The following SEMA3E variants were observed in gnomAD, a reference collection of about 807,000 sequenced individuals.
SEMA3E encodes the protein semaphorin 3E, also known as semaphorin-3E.
A neutral mutation model predicts 93.6 loss-of-function variants in SEMA3E; 49 were observed. That is an observed-to-expected ratio of 0.52 (90% CI 0.42 to 0.66). The LOEUF (loss-of-function observed/expected upper bound fraction) is 0.66, where lower values mean the gene tolerates loss of function less well. Among genes scored for constraint, SEMA3E ranks in the 30% least tolerant of loss-of-function variants. The probability of loss-of-function intolerance (pLI) is 0.00; values close to 1 mark genes in which losing one functional copy is unlikely to be tolerated. For missense variants in SEMA3E, 906 were observed against 964.8 expected (o/e 0.94, Z 0.81); for synonymous variants, 363 against 330.7 (o/e 1.10, Z -1.06).
intron 4 of SEMA3E, among the ~76,000 whole-genome samples, chr7:83,459,609 G>A (rs976712085): frequency 4.6e-5 from 7 of 152,106 alleles, no homozygotes; most frequent in Admixed American, 1.3e-4. Flanking sequence ...ACACTATGAT[G>A]TATTTTGGAT....
chr7:83,534,445 C>G (rs1791369683), intron 1 of SEMA3E, among the ~76,000 whole-genome samples: 1 of 151,994 alleles, frequency 6.6e-6, no homozygotes, highest in Admixed American at 6.6e-5. Flanking sequence ...CATTTACAAT[C>G]ATTATATATT....
At chr7:83,551,428 C>A (rs183770647) in intron 1 of SEMA3E, among the ~76,000 whole-genome samples, 365 of 152,000 alleles carry the variant, frequency 2.4e-3, no homozygotes, top group African/African-American at 8.6e-3. Flanking sequence ...CCAAACCAAG[C>A]AAAATCAAAC....
At chr7:83,584,785 A>C (rs1792586738) in intron 1 of SEMA3E, among the ~76,000 whole-genome samples, 1 of 152,284 alleles carries the variant, frequency 6.6e-6, no homozygotes, top group Non-Finnish European at 1.5e-5. Context: ...AAGTTTAAAT[A>C]TTGACAGATA....
chr7:83,391,601 T>C (rs1057139290), intron 14 of SEMA3E, among the ~76,000 whole-genome samples: 2 of 35,184 alleles, frequency 5.7e-5, no homozygotes, highest in Non-Finnish European at 1.6e-4. Flanking sequence ...TATTATATCA[T>C]TTTTTTAAAA....
At chr7:83,646,470 C>G (rs302117) in intron 1 of SEMA3E, among the ~76,000 whole-genome samples, 56,780 of 151,784 alleles carry the variant, frequency 0.37, 11,324 homozygotes, top group Non-Finnish European at 0.44. Context: ...ACTTTACTAA[C>G]TAAATTGCAC....
chr7:83,485,797 C>T (rs933590434), intron 2 of SEMA3E, among the ~76,000 whole-genome samples: 2 of 151,912 alleles, frequency 1.3e-5, no homozygotes, highest in African/African-American at 2.4e-5. Context: ...GGTAGCTGCC[C>T]CTGCAATGGG....
chr7:83,422,976 A>C (rs531236135), intron 4 of SEMA3E, among the ~76,000 whole-genome samples: 1 of 152,312 alleles, frequency 6.6e-6, no homozygotes, highest in African/African-American at 2.4e-5. Flanking sequence ...AAATCATAAT[A>C]TAGGTTCTTG....
chr7:83,525,756 C>T (rs1791143663), intron 1 of SEMA3E, among the ~76,000 whole-genome samples: 2 of 143,862 alleles, frequency 1.4e-5, no homozygotes, highest in Admixed American at 7.0e-5. Flanking sequence ...TTTGTTTCTT[C>T]TAAGTTCCTT....
rs1794622016 is a variant in SEMA3E, at chr7:83,363,859, CATTTTTTTTTTTTTTTTTTTT to C, written c.*3706_*3726del. ...AGGCTACAGGTGTCACAGGTCAATT[CATTTTTTTTTTTTTTTTTTTT>C]TTTTTTTTTTTTTTTTTTTTTTTTT... On this transcript the variant is annotated 3_prime_UTR_variant, in exon 17 of 17. Coordinates refer to ENST00000643230, the MANE Select transcript of SEMA3E (RefSeq NM_012431.3). 9.9e-6 allele frequency: 1 copy of C among 100,558 alleles called. No individual in the cohort carries two copies. The highest frequency in any genetic ancestry group is 4.7e-5 in the African/African-American group (1 of 21,430). The allele number at this position is 100,558 out of a possible 1,614,324, so 6.2% of individuals were successfully genotyped here.
At chr7:83,624,422 G>A (rs1329804327) in intron 1 of SEMA3E, among the ~76,000 whole-genome samples, 1 of 152,092 alleles carries the variant, frequency 6.6e-6, no homozygotes, top group Non-Finnish European at 1.5e-5. Context: ...TCATTTTAAT[G>A]GCATGAGTTG....
rs764035579 is a variant in SEMA3E, at chr7:83,405,448, A to AC, written c.998+1dup. 1 of 1,607,954 alleles carries AC rather than the reference A, an allele frequency of 6.2e-7. No individual in the cohort carries two copies. On this transcript the variant is annotated splice_donor_variant, in intron 9 of 16. Transcript: ENST00000643230. LOFTEE classifies it high-confidence loss of function. ...TTTTTATTGACTGTATAAATTTCTC[A>AC]CCTGGTAGTGTTAAAGAGTCCAAAT...
intron 1 of SEMA3E, among the ~76,000 whole-genome samples, chr7:83,633,525 G>A (rs1380189398): frequency 1.3e-5 from 2 of 152,104 alleles, no homozygotes; most frequent in African/African-American, 2.4e-5. Context: ...GCAGCCAGAC[G>A]AGGAAAACAT....
chr7:83,634,303 A>T (rs953156436), intron 1 of SEMA3E, among the ~76,000 whole-genome samples: 2 of 152,182 alleles, frequency 1.3e-5, no homozygotes, highest in African/African-American at 4.8e-5. Context: ...TGTGTAAGCT[A>T]TCTCATTGGT....
chr7:83,430,166 A>G (rs1788851928), intron 4 of SEMA3E, among the ~76,000 whole-genome samples: 1 of 152,114 alleles, frequency 6.6e-6, no homozygotes. Context: ...TCAATTTAAC[A>G]TAGAAAAGCC....
At chr7:83,444,272 T>C (rs1295817990) in intron 4 of SEMA3E, among the ~76,000 whole-genome samples, 2 of 152,166 alleles carry the variant, frequency 1.3e-5, no homozygotes, top group Non-Finnish European at 2.9e-5. Flanking sequence ...CTTTGAAACA[T>C]GGCACAAAAT....
chr7:83,399,467 CTG>C (rs1374310822), intron 11 of SEMA3E, among the ~76,000 whole-genome samples: 6 of 152,074 alleles, frequency 3.9e-5, no homozygotes, highest in African/African-American at 1.2e-4. Context: ...ATAAGAATTG[CTG>C]TGTTTAGAGA....
At chr7:83,629,031 A>G (rs571666554) in intron 1 of SEMA3E, among the ~76,000 whole-genome samples, 1 of 152,074 alleles carries the variant, frequency 6.6e-6, no homozygotes, top group African/African-American at 2.4e-5. Flanking sequence ...TTTTCTTTCT[A>G]ACAGTCAGGC....
At chr7:83,641,155 A>G (rs1405429144) in intron 1 of SEMA3E, among the ~76,000 whole-genome samples, 1 of 152,166 alleles carries the variant, frequency 6.6e-6, no homozygotes, top group Non-Finnish European at 1.5e-5. Flanking sequence ...AAGGGGCTAT[A>G]AATAGTTGTC....
chr7:83,412,503 T>A (rs1399324527), intron 5 of SEMA3E, among the ~76,000 whole-genome samples: 1 of 152,058 alleles, frequency 6.6e-6, no homozygotes, highest in South Asian at 2.1e-4. Context: ...CCCAGCACTT[T>A]GTGCAGCCCA....
Sources: allele counts gnomAD v4.1 joint callset (sites outside exome capture counted in the v4.1 genomes callset), GRCh38; gene constraint gnomAD v4.1.1; transcripts MANE v1.5; gene names NCBI Gene and HGNC (gene_info 2026-07-23, HGNC 2026-07-21).